Variants in TWSG1 observed in about 807,000 individuals in gnomAD.
TWSG1 encodes the protein twisted gastrulation protein homolog 1.
In TWSG1, 15 loss-of-function variants were observed where a neutral mutation model predicts 23.0. The ratio of observed to expected loss-of-function variants is 0.65; its 90% CI spans 0.44 to 1.00. TWSG1 has a LOEUF of 1.00. Among genes scored for constraint, TWSG1 ranks in the 50% least tolerant of loss-of-function variants. The probability of loss-of-function intolerance (pLI) is 0.00; values close to 1 mark genes in which losing one functional copy is unlikely to be tolerated. For synonymous variants in TWSG1, 86 were observed against 92.8 expected (o/e 0.93, Z 0.42); for missense variants, 242 against 278.7 (o/e 0.87, Z 0.94).
rs559757064 is a variant in TWSG1, at chr18:9,362,916, T to C, written c.223+2845T>C. Reference sequence around the variant, plus strand: ...TTTCATTTTAAGTTAAGTTAATCTTTCTACTTTCTAGGATAAAACTGAGAT... The same window carrying C: ...TTTCATTTTAAGTTAAGTTAATCTTCCTACTTTCTAGGATAAAACTGAGAT... On this transcript the variant is annotated intron_variant, in intron 3 of 4. Coordinates refer to ENST00000262120, the MANE Select transcript of TWSG1 (RefSeq NM_020648.6). Among the ~76,000 whole-genome samples the C allele has an allele frequency of 8.5e-5, 13 of 152,354 alleles. No individual in the cohort carries two copies. In the East Asian group the frequency reaches 2.3e-3, roughly 27 times the overall value.
intron 3 of TWSG1, among the ~76,000 whole-genome samples, chr18:9,374,828 G>C (rs1198838656): frequency 1.3e-5 from 2 of 152,158 alleles, no homozygotes; most frequent in Non-Finnish European, 2.9e-5. Context: ...GACCAAGTGG[G>C]ATATATCCCA....
Position 9,396,526 on chromosome 18 carries a change from C to A in TWSG1, c.470C>A (p.Ala157Glu). ...NVSVPSNNVH[A>E]PYSSDKEHMC... ...TCTGTCCCCAGCAATAATGTTCACG[C>A]GCCTTATTCCAGTGACAAAGGTAAC... The change falls in exon 4 of 5, where the codon GCG becomes GAG. Residue 157 changes from alanine to glutamate, a missense_variant. Coordinates refer to ENST00000262120, the MANE Select transcript of TWSG1 (RefSeq NM_020648.6). 1.2e-6 allele frequency: 2 copies of A among 1,612,512 alleles called. No individual in the cohort carries two copies.
At chr18:9,360,500 G>A (rs2040547491) in intron 3 of TWSG1, among the ~76,000 whole-genome samples, 1 of 152,146 alleles carries the variant, frequency 6.6e-6, no homozygotes, top group Non-Finnish European at 1.5e-5. Context: ...ACTTACGTGT[G>A]TAGGAAGAAA....
intron 1 of TWSG1, among the ~76,000 whole-genome samples, chr18:9,336,653 A>C (rs2040424886): frequency 6.6e-6 from 1 of 152,172 alleles, no homozygotes; most frequent in African/African-American, 2.4e-5. Flanking sequence ...ATGGGCTTAC[A>C]GTTGAATAAT....
intron 3 of TWSG1, among the ~76,000 whole-genome samples, chr18:9,372,958 G>A (rs145444777): frequency 2.0e-4 from 30 of 152,238 alleles, no homozygotes; most frequent in African/African-American, 7.2e-4. Context: ...AATTAAAAGA[G>A]ATTGTTAGAG....
intron 2 of TWSG1, among the ~76,000 whole-genome samples, chr18:9,353,601 C>T (rs1038345524): frequency 1.3e-5 from 2 of 152,150 alleles, no homozygotes; most frequent in Non-Finnish European, 2.9e-5. Context: ...TTAAGAACAT[C>T]TAGCATAGTT....
chr18:9,357,032 C>T (rs2040530278), intron 2 of TWSG1, among the ~76,000 whole-genome samples: 2 of 148,356 alleles, frequency 1.3e-5, no homozygotes, highest in African/African-American at 2.5e-5. Flanking sequence ...CTAAAAAGTG[C>T]GTACTCAGAA....
At chr18:9,393,768 C>T (rs2040722448) in intron 3 of TWSG1, among the ~76,000 whole-genome samples, 1 of 152,126 alleles carries the variant, frequency 6.6e-6, no homozygotes, top group Non-Finnish European at 1.5e-5. Flanking sequence ...ACTATATTGT[C>T]CTGGCTGGTC....
intron 2 of TWSG1, among the ~76,000 whole-genome samples, chr18:9,342,654 T>C (rs567008388): frequency 4.5e-4 from 68 of 152,242 alleles, no homozygotes; most frequent in Non-Finnish European, 8.4e-4. Context: ...TCAGTCTTGA[T>C]GTTTCCAGAC....
At chr18:9,356,134 G>A (rs189687438) in intron 2 of TWSG1, among the ~76,000 whole-genome samples, 6 of 152,128 alleles carry the variant, frequency 3.9e-5, no homozygotes, top group East Asian at 1.9e-4. Flanking sequence ...TATCTCTGTC[G>A]TTTCCCTCTT....
At chr18:9,390,967 T>C (rs1443744681) in intron 3 of TWSG1, among the ~76,000 whole-genome samples, 1 of 152,152 alleles carries the variant, frequency 6.6e-6, no homozygotes, top group Non-Finnish European at 1.5e-5. Context: ...TGAGTTATGA[T>C]TGTGCCACTA....
chr18:9,385,351 C>T (rs1026111193), intron 3 of TWSG1, among the ~76,000 whole-genome samples: 2 of 152,158 alleles, frequency 1.3e-5, no homozygotes, highest in Middle Eastern at 3.4e-3. Flanking sequence ...GTGTCTCCAG[C>T]CTAATGACTA....
At position 9,402,068 on chromosome 18, in the gene TWSG1, A is replaced by G. The variant is rs1339462749; in HGVS notation, c.*2541A>G. ...CAAATCAAATGGTAATTTAAATAAAATCTATTCTGTGTTTATGTAGGGTGG... is the reference window on the plus strand; with the variant it reads ...CAAATCAAATGGTAATTTAAATAAAGTCTATTCTGTGTTTATGTAGGGTGG... On this transcript the variant is annotated 3_prime_UTR_variant, in exon 5 of 5. Coordinates refer to ENST00000262120, the MANE Select transcript of TWSG1 (RefSeq NM_020648.6). 6.6e-6 allele frequency: 1 copy of G among 152,112 alleles called. No individual in the cohort carries two copies. Among genetic ancestry groups the G allele is most frequent in the African/African-American group, 2.4e-5 (1 of 41,442 alleles). The allele number at this position is 152,112 out of a possible 1,614,324, so 9.4% of individuals were successfully genotyped here. A position where few individuals can be genotyped will look rare whatever the true frequency, so the allele number is the denominator to read the frequency against.
At position 9,396,330 on chromosome 18, in the gene TWSG1, A is replaced by C; in HGVS notation, c.274A>C (p.Thr92Pro). ...YSDTPPTSKS[T>P]VEELHEPIPS... ...TGACACACCTCCAACTTCAAAGAGC[A>C]CAGTGGAGGAGCTGCATGAACCGAT... The change falls in exon 4 of 5, where the codon ACA (threonine) becomes CCA (proline). Residue 92 changes from threonine (T) to proline (P), a missense_variant. Physicochemically the swap from Thr to Pro is conservative, Grantham distance 38 (BLOSUM62 -1). Transcript: ENST00000262120. 2 of 1,614,190 alleles carry C rather than the reference A, an allele frequency of 1.2e-6. No homozygotes were observed.
In TWSG1 at chr18:9,390,255, A is replaced by T. The variant is rs553605162; in HGVS notation, c.224-6025A>T. Reference sequence around the variant, plus strand: ...GGTTCACTGCAACCTCCGCCCCTCCAGGTTCACGCCATTCTCCTGCCTCAG... The same window carrying T: ...GGTTCACTGCAACCTCCGCCCCTCCTGGTTCACGCCATTCTCCTGCCTCAG... On this transcript the variant is annotated intron_variant, in intron 3 of 4. Coordinates refer to ENST00000262120, the MANE Select transcript of TWSG1 (RefSeq NM_020648.6). 2.0e-5 allele frequency among the ~76,000 whole-genome samples: 3 copies of T among 151,762 alleles called. No homozygotes were observed. In the South Asian group the frequency reaches 6.3e-4, roughly 32 times the overall value.
chr18:9,364,811 AAG>A (rs2040570297), intron 3 of TWSG1, among the ~76,000 whole-genome samples: 2 of 151,944 alleles, frequency 1.3e-5, no homozygotes, highest in Non-Finnish European at 2.9e-5. Flanking sequence ...AAAAAAGAAG[AAG>A]AAGAAAAGTT....
intron 3 of TWSG1, among the ~76,000 whole-genome samples, chr18:9,374,264 A>C (rs1429369409): frequency 6.6e-6 from 1 of 152,192 alleles, no homozygotes; most frequent in African/African-American, 2.4e-5. Context: ...TTTTTCAAAC[A>C]GTTCAATAAA....
chr18:9,365,528 A>G (rs1391135396), intron 3 of TWSG1, among the ~76,000 whole-genome samples: 1 of 151,692 alleles, frequency 6.6e-6, no homozygotes, highest in African/African-American at 2.4e-5. Flanking sequence ...TTAGCTGTGC[A>G]TGGGTGGCAT....
chr18:9,341,867 C>G (rs960678458), intron 2 of TWSG1, among the ~76,000 whole-genome samples: 9 of 150,452 alleles, frequency 6.0e-5, no homozygotes, highest in African/African-American at 2.2e-4. Context: ...CAGTGCATTT[C>G]TTGAGGGAAT....
Sources: gnomAD v4.1 joint callset for allele counts (sites outside exome capture counted in the v4.1 genomes callset) on GRCh38, gnomAD v4.1.1 for gene constraint, MANE v1.5 for transcripts, NCBI Gene and HGNC (gene_info 2026-07-23, HGNC 2026-07-21) for gene names.